The following SH3BP5 variants were observed in gnomAD, a reference collection of about 807,000 sequenced individuals.
SH3BP5 encodes SH3 domain binding protein 5.
In SH3BP5, 22 loss-of-function variants were observed where a neutral mutation model predicts 43.3. The observed-to-expected ratio is 0.51, with a 90% confidence interval of 0.36 to 0.73. The LOEUF (loss-of-function observed/expected upper bound fraction) is 0.73. Ranked by LOEUF, SH3BP5 falls within the 30% of genes least tolerant of loss-of-function variation. The probability of loss-of-function intolerance (pLI) is 0.00; values close to 1 mark genes in which losing one functional copy is unlikely to be tolerated. For synonymous variants in SH3BP5, 255 were observed against 225.8 expected (o/e 1.13, Z -1.16); for missense variants, 529 against 586.9 (o/e 0.90, Z 1.02).
chr3:15,272,625 A>G (rs566075827), intron 3 of SH3BP5, among the ~76,000 whole-genome samples: 2 of 94,122 alleles, frequency 2.1e-5, no homozygotes, highest in Admixed American at 1.8e-4. Flanking sequence ...CCCGTAGGAT[A>G]AAGACATATT....
intron 3 of SH3BP5, among the ~76,000 whole-genome samples, chr3:15,300,132 T>C (rs951802110): frequency 6.6e-6 from 1 of 152,230 alleles, no homozygotes; most frequent in African/African-American, 2.4e-5. Context: ...GTAATTATCA[T>C]TATTTCTTTT....
chr3:15,280,888 T>C (rs1315468839), intron 3 of SH3BP5, among the ~76,000 whole-genome samples: 1 of 152,202 alleles, frequency 6.6e-6, no homozygotes, highest in Non-Finnish European at 1.5e-5. Flanking sequence ...TCAGGGAAGC[T>C]ATTTCATCCT....
At chr3:15,324,926 T>C (rs192639382) in intron 2 of SH3BP5, among the ~76,000 whole-genome samples, 78 of 150,454 alleles carry the variant, frequency 5.2e-4, no homozygotes, top group Non-Finnish European at 8.3e-4. Context: ...GCAGAGATAA[T>C]GAGTGCTGGC....
At chr3:15,324,999 A>C (rs1200836739) in intron 2 of SH3BP5, among the ~76,000 whole-genome samples, 1 of 152,228 alleles carries the variant, frequency 6.6e-6, no homozygotes, top group African/African-American at 2.4e-5. Flanking sequence ...CCCTGCAAGT[A>C]TAAGCAGAAA....
intron 3 of SH3BP5, among the ~76,000 whole-genome samples, chr3:15,280,077 G>A (rs1575304033): frequency 6.6e-6 from 1 of 152,146 alleles, no homozygotes; most frequent in Non-Finnish European, 1.5e-5. Flanking sequence ...GCCGACTGAT[G>A]TCTATGACCT....
intron 3 of SH3BP5, among the ~76,000 whole-genome samples, chr3:15,303,134 A>G (rs959369541): frequency 1.3e-5 from 2 of 152,180 alleles, no homozygotes; most frequent in African/African-American, 4.8e-5. Context: ...TCTTCTTACA[A>G]GTGGACACTT....
chr3:15,260,761 G>GCC (rs1483273533), intron 5 of SH3BP5, among the ~76,000 whole-genome samples: 4 of 152,128 alleles, frequency 2.6e-5, no homozygotes, highest in African/African-American at 4.8e-5. Context: ...GAGAGGCAGG[G>GCC]TGGGCATGGA....
At chr3:15,335,220 A>G (rs940932964), upstream of SH3BP5, among the ~76,000 whole-genome samples, 10 of 151,950 alleles carry the variant, frequency 6.6e-5, no homozygotes, top group African/African-American at 2.4e-4. Context: ...CATGGTAAAA[A>G]TACAAAAATT....
In SH3BP5 at chr3:15,332,461, C is replaced by A. The variant is rs2124834188; in HGVS notation, c.-53G>T. 6 of 1,458,100 alleles carry A rather than the reference C, an allele frequency of 4.1e-6. No homozygotes were observed. The highest frequency in any genetic ancestry group is 4.7e-5 in the Admixed American group (2 of 42,420). The allele number at this position is 1,458,100 out of a possible 1,614,324, so 90.3% of individuals were successfully genotyped here. A position where few individuals can be genotyped will look rare whatever the true frequency, so the allele number is the denominator to read the frequency against. On this transcript the variant is annotated 5_prime_UTR_variant, in exon 1 of 9. Transcript: ENST00000383791. ...GTGGGCTCCGGAGCGCCCCGGGGGT[C>A]GCGGCTGCCACAGGCTGGGCTGGAG...
At chr3:15,266,648 A>T (rs974307585) in intron 4 of SH3BP5, among the ~76,000 whole-genome samples, 2 of 152,220 alleles carry the variant, frequency 1.3e-5, no homozygotes, top group African/African-American at 4.8e-5. Flanking sequence ...CTGTGCCCCA[A>T]GGAAGGCTGC....
At chr3:15,273,528 A>G in intron 3 of SH3BP5, 1 of 370,452 alleles carries the variant, frequency 2.7e-6, no homozygotes, top group Non-Finnish European at 3.7e-6. Flanking sequence ...CATAGGATAC[A>G]TGTTTGCCTT....
chr3:15,280,921 C>A (rs1697110306), intron 3 of SH3BP5, among the ~76,000 whole-genome samples: 2 of 152,244 alleles, frequency 1.3e-5, no homozygotes, highest in Non-Finnish European at 2.9e-5. Context: ...ACGATGCAGA[C>A]CCAGGCCACG....
chr3:15,288,412 C>T (rs962839079), intron 3 of SH3BP5, among the ~76,000 whole-genome samples: 8 of 152,230 alleles, frequency 5.3e-5, no homozygotes, highest in South Asian at 2.1e-4. Context: ...ATAATTCAGC[C>T]GGGAGGCAGT....
At chr3:15,274,829 C>G (rs1175049870) in intron 3 of SH3BP5, among the ~76,000 whole-genome samples, 1 of 152,182 alleles carries the variant, frequency 6.6e-6, no homozygotes, top group Non-Finnish European at 1.5e-5. Flanking sequence ...TACAGGGTTG[C>G]AGGTGTGAGC....
At chr3:15,319,661 A>G (rs1157646831) in intron 2 of SH3BP5, among the ~76,000 whole-genome samples, 1 of 152,204 alleles carries the variant, frequency 6.6e-6, no homozygotes, top group Non-Finnish European at 1.5e-5. Flanking sequence ...CTCTGGAAGG[A>G]GCCAGAAACC....
intron 1 of SH3BP5, 81 bp downstream of exon 1, chr3:15,332,190 C>G: frequency 6.5e-7 from 1 of 1,535,536 alleles, no homozygotes; most frequent in African/African-American, 1.4e-5. Context: ...CTGGGGGCTG[C>G]GAAGTGGCTG....
At chr3:15,261,559 GTCC>G (rs1338128616) in intron 5 of SH3BP5, among the ~76,000 whole-genome samples, 27 of 152,300 alleles carry the variant, frequency 1.8e-4, no homozygotes, top group African/African-American at 5.5e-4. Flanking sequence ...GTCATCATAA[GTCC>G]TCCTCCTTTT....
Position 15,298,373 on chromosome 3 carries a change from A to G in SH3BP5, c.330+5730T>C, listed in dbSNP as rs17040970. Among the ~76,000 whole-genome samples, 1,220 of 152,312 alleles carry G rather than the reference A, an allele frequency of 8.0e-3. 19 individuals carry two copies. Among genetic ancestry groups the G allele is most frequent in the African/African-American group, 0.028 (1,155 of 41,552 alleles). The stretch of plus-strand genomic sequence containing the variant: ...GCCTACAAGTCACTCTACAAGTTTC[A>G]AATGTTTTCCCACTCATCTCCTTTC... On this transcript the variant is annotated intron_variant, in intron 3 of 8. Transcript: ENST00000383791.
chr3:15,320,703 A>G (rs1230451750), intron 2 of SH3BP5, among the ~76,000 whole-genome samples: 1 of 151,948 alleles, frequency 6.6e-6, no homozygotes, highest in Non-Finnish European at 1.5e-5. Context: ...TCAAAATTAA[A>G]AGGCTACAGT....
Sources: gnomAD v4.1 joint callset for allele counts (sites outside exome capture counted in the v4.1 genomes callset) on GRCh38, gnomAD v4.1.1 for gene constraint, MANE v1.5 for transcripts, NCBI Gene and HGNC (gene_info 2026-07-23, HGNC 2026-07-21) for gene names.